Variants in NLGN4X observed in about 807,000 individuals in gnomAD.
NLGN4X encodes neuroligin 4 X-linked, also known as neuroligin-4, X-linked.
A neutral mutation model predicts 40.3 loss-of-function variants in NLGN4X; 3 were observed. The observed-to-expected ratio is 0.07, with a 90% CI of 0.03 to 0.19. NLGN4X has a LOEUF of 0.19. NLGN4X is among the 10% of genes least tolerant of loss of function. NLGN4X has a pLI of 1.00. For missense variants in NLGN4X, 382 were observed against 708.3 expected (o/e 0.54, Z 5.23); for synonymous variants, 270 against 306.8 (o/e 0.88, Z 1.25).
intron 3 of NLGN4X, among the ~76,000 whole-genome samples, chrX:5,917,984 G>T (rs907537035): frequency 5.4e-5 from 6 of 111,612 alleles, no homozygotes; most frequent in African/African-American, 1.6e-4. Flanking sequence ...AGTGAAAAGA[G>T]AAAGACAAGG....
At chrX:6,097,236 CTTTTT>C (rs35401398) in intron 2 of NLGN4X, among the ~76,000 whole-genome samples, 1 of 97,651 alleles carries the variant, frequency 1.0e-5, no homozygotes, top group Admixed American at 1.1e-4. Flanking sequence ...GCTTTCTTGG[CTTTTT>C]TTTTTTTTTC....
chrX:6,024,803 C>T (rs1225609925), intron 3 of NLGN4X, among the ~76,000 whole-genome samples: 1 of 111,659 alleles, frequency 9.0e-6, no homozygotes, highest in African/African-American at 3.3e-5. Flanking sequence ...ATAATTGCCA[C>T]CCCTTTCCCG....
chrX:5,990,565 C>A (rs1474190887), intron 3 of NLGN4X, among the ~76,000 whole-genome samples: 3 of 111,889 alleles, frequency 2.7e-5, no homozygotes, highest in Admixed American at 9.5e-5. Context: ...TACAAGAATA[C>A]ACAGCAGCCA....
chrX:5,977,826 T>C (rs1461211173), intron 3 of NLGN4X, among the ~76,000 whole-genome samples: 2 of 111,867 alleles, frequency 1.8e-5, no homozygotes, highest in Non-Finnish European at 3.8e-5. Flanking sequence ...CTCAGTCTTT[T>C]CCATGACATT....
chrX:6,129,951 T>C (rs2039645142), intron 2 of NLGN4X, among the ~76,000 whole-genome samples: 1 of 108,893 alleles, frequency 9.2e-6, no homozygotes, highest in Non-Finnish European at 1.9e-5. Flanking sequence ...AGTGATGTGA[T>C]TACAGCTCAC....
intron 2 of NLGN4X, among the ~76,000 whole-genome samples, chrX:6,091,545 G>T (rs1035573861): frequency 9.0e-5 from 10 of 110,973 alleles, no homozygotes; most frequent in Admixed American, 8.6e-4. Flanking sequence ...TCTGCTCCTA[G>T]AACTTAGATA....
At chrX:6,152,865 G>C (rs912352255) in intron 1 of NLGN4X, among the ~76,000 whole-genome samples, 4 of 112,425 alleles carry the variant, frequency 3.6e-5, no homozygotes, top group Non-Finnish European at 7.5e-5. Flanking sequence ...AAAAAGCTGA[G>C]GCTGCATTTG....
intron 3 of NLGN4X, among the ~76,000 whole-genome samples, chrX:5,984,176 G>C (rs1012534148): frequency 1.8e-5 from 2 of 110,809 alleles, no homozygotes; most frequent in African/African-American, 6.5e-5. Context: ...ATAAAATTGA[G>C]AACTTCGAAA....
chrX:5,961,172 T>C (rs958571963), intron 3 of NLGN4X, among the ~76,000 whole-genome samples: 4 of 111,766 alleles, frequency 3.6e-5, no homozygotes, highest in African/African-American at 1.3e-4. Context: ...ATTTTTTATC[T>C]TTAAACAAAG....
chrX:5,998,339 G>A (rs1351392461), intron 3 of NLGN4X, among the ~76,000 whole-genome samples: 1 of 106,545 alleles, frequency 9.4e-6, no homozygotes, highest in Non-Finnish European at 1.9e-5. Context: ...GAACCTGGGA[G>A]GCAGAGGTTG....
rs1556011995 is a variant in NLGN4X, at chrX:6,217,613, A to AC, written c.-306+10927_-306+10928insG. Among the ~76,000 whole-genome samples the AC allele has an allele frequency of 2.8e-5, 3 of 108,882 alleles. No individual in the cohort carries two copies. In the East Asian group the frequency reaches 8.6e-4, roughly 31 times the overall value. 94.6% of individuals were successfully genotyped at this position (108,882 alleles called of 115,157 possible). On this transcript the variant is annotated intron_variant, in intron 1 of 5. Coordinates refer to ENST00000381095, the MANE Select transcript of NLGN4X (RefSeq NM_181332.3). ...TACCATGAACCTAGATTGTCAGAAG[A>AC]TTTTTTTTTTGAGGTATTGATTCCC...
intron 2 of NLGN4X, among the ~76,000 whole-genome samples, chrX:6,062,984 T>G (rs2037808909): frequency 9.0e-6 from 1 of 111,108 alleles, no homozygotes; most frequent in Non-Finnish European, 1.9e-5. Flanking sequence ...CACTGGCTGT[T>G]CCCTCTGCCT....
At chrX:6,161,045 T>C (rs868379925) in intron 1 of NLGN4X, among the ~76,000 whole-genome samples, 56 of 88,295 alleles carry the variant, frequency 6.3e-4, no homozygotes, top group Admixed American at 1.6e-3. Context: ...TATTATTCTA[T>C]ATATAATATA....
chrX:6,059,800 A>G (rs913854148), intron 2 of NLGN4X, among the ~76,000 whole-genome samples: 1 of 111,611 alleles, frequency 9.0e-6, no homozygotes, highest in African/African-American at 3.3e-5. Flanking sequence ...CTGTTTCAAC[A>G]CTGTATGATT....
At chrX:6,117,891 G>A (rs1173352272) in intron 2 of NLGN4X, among the ~76,000 whole-genome samples, 1 of 111,486 alleles carries the variant, frequency 9.0e-6, no homozygotes, top group African/African-American at 3.3e-5. Flanking sequence ...CTGGATTCTG[G>A]AATAAAGACT....
At chrX:6,185,766 A>G (rs370597792) in intron 1 of NLGN4X, among the ~76,000 whole-genome samples, 1 of 112,229 alleles carries the variant, frequency 8.9e-6, no homozygotes, top group East Asian at 2.8e-4. Context: ...TCCAAGATCA[A>G]TCTGTGCAAT....
At chrX:6,159,509 A>T in intron 1 of NLGN4X, among the ~76,000 whole-genome samples, 2 of 112,199 alleles carry the variant, frequency 1.8e-5, no homozygotes, top group Admixed American at 1.9e-4. Flanking sequence ...TGGATTTAAA[A>T]ATTGAAGGGA....
At chrX:6,021,402 TCCCCATCTCTG>T (rs2036553202) in intron 3 of NLGN4X, among the ~76,000 whole-genome samples, 1 of 110,426 alleles carries the variant, frequency 9.1e-6, no homozygotes, top group African/African-American at 3.3e-5. Flanking sequence ...ACTGCAGTCG[TCCCCATCTCTG>T]CTCCATTTGC....
rs1249783009 is a variant in NLGN4X at position 6,151,471 on chromosome X, C to A, written c.-5G>T. On this transcript the variant is annotated 5_prime_UTR_variant, in exon 2 of 6. An upstream open reading frame in the 5' UTR loses its in-frame stop. Coordinates refer to ENST00000381095, the MANE Select transcript of NLGN4X (RefSeq NM_181332.3). ...CAGTCCCTGGGGCCGTGACATGGTT[C>A]AAATCTGCATCCACATCCACAGCTG... The A allele has an allele frequency of 8.4e-7, 1 of 1,196,265 alleles. No homozygotes were observed. The highest frequency in any genetic ancestry group is 1.7e-5 in the African/African-American group (1 of 57,387).
Sources: allele counts gnomAD v4.1 joint callset (sites outside exome capture counted in the v4.1 genomes callset), GRCh38; gene constraint gnomAD v4.1.1; transcripts MANE v1.5; gene names NCBI Gene and HGNC (gene_info 2026-07-23, HGNC 2026-07-21).